Variants in KIAA0825 observed in about 807,000 individuals in gnomAD.
KIAA0825 encodes uncharacterized protein KIAA0825.
KIAA0825 carries 119 observed loss-of-function variants against 147.6 expected under a neutral mutation model. That is an observed-to-expected ratio of 0.81 (90% confidence interval 0.69 to 0.94). The LOEUF is 0.94. Among genes scored for constraint, KIAA0825 ranks in the 40% least tolerant of loss-of-function variants. The pLI is 0.00. For synonymous variants in KIAA0825, 470 were observed against 518.1 expected, an observed-to-expected ratio of 0.91 and a Z score of 1.26; for missense variants, 1,381 against 1,472.7, an observed-to-expected ratio of 0.94 and a Z score of 1.02.
chr5:94,593,069 T>C, intron 1 of KIAA0825: 1 of 704,076 alleles, frequency 1.4e-6, no homozygotes. Context: ...TTTCTTACTC[T>C]TCATAATTTA....
At chr5:94,264,786 C>CTT (rs1195057688) in intron 20 of KIAA0825, among the ~76,000 whole-genome samples, 5 of 140,554 alleles carry the variant, frequency 3.6e-5, no homozygotes, top group Non-Finnish European at 6.2e-5. Flanking sequence ...CATACACATA[C>CTT]TTTTTTTTTT....
At chr5:94,428,032 C>CATTTGTTTT (rs1204321541) in intron 14 of KIAA0825, among the ~76,000 whole-genome samples, 1 of 152,060 alleles carries the variant, frequency 6.6e-6, no homozygotes, top group Non-Finnish European at 1.5e-5. Flanking sequence ...TCCCTTCTCT[C>CATTTGTTTT]ATTTGTTTTC....
chr5:94,171,663 G>A (rs1768625349), intron 20 of KIAA0825, among the ~76,000 whole-genome samples: 1 of 151,758 alleles, frequency 6.6e-6, no homozygotes, highest in Non-Finnish European at 1.5e-5. Context: ...AAACTTTCTT[G>A]ACCCATGCAT....
In KIAA0825 at chr5:94,508,020, C is replaced by T. The variant is rs79837208; in HGVS notation, c.970+12228G>A. On this transcript the variant is annotated intron_variant, in intron 5 of 20. Transcript: ENST00000682413. ...TCATCTAGTCAGTCTGTCTTGAAGA[C>T]GGTGAACTTAAAAGTAGTGTTATTT... is the stretch of plus-strand genomic sequence containing the variant. Among the ~76,000 whole-genome samples, 303 of 152,170 alleles carry T rather than the reference C, an allele frequency of 2.0e-3. 1 individual carries two copies. Among genetic ancestry groups the T allele is most frequent in the African/African-American group, 7.1e-3 (294 of 41,508 alleles).
chr5:94,429,562 C>G (rs1755379769), intron 14 of KIAA0825, among the ~76,000 whole-genome samples: 1 of 152,154 alleles, frequency 6.6e-6, no homozygotes, highest in Admixed American at 6.5e-5. Flanking sequence ...GTCAATGTGG[C>G]TGGGTATATA....
At chr5:94,545,305 A>T (rs1005345451) in intron 2 of KIAA0825, among the ~76,000 whole-genome samples, 8 of 152,070 alleles carry the variant, frequency 5.3e-5, no homozygotes, top group African/African-American at 1.9e-4. Context: ...ATTCCTAAGC[A>T]CACCCTTGTG....
chr5:94,565,763 A>G (rs1422320060), intron 2 of KIAA0825, among the ~76,000 whole-genome samples: 1 of 152,232 alleles, frequency 6.6e-6, no homozygotes, highest in Non-Finnish European at 1.5e-5. Flanking sequence ...TTTTTAATTG[A>G]TAAATTATAA....
chr5:94,206,227 A>T (rs567037144), intron 20 of KIAA0825, among the ~76,000 whole-genome samples: 1 of 152,138 alleles, frequency 6.6e-6, no homozygotes, highest in Admixed American at 6.5e-5. Flanking sequence ...TATGATTTCC[A>T]GTTTCTCCTT....
intron 2 of KIAA0825, among the ~76,000 whole-genome samples, chr5:94,554,051 A>G (rs1561306451): frequency 6.6e-6 from 1 of 152,240 alleles, no homozygotes; most frequent in Non-Finnish European, 1.5e-5. Flanking sequence ...TCTACAGCTT[A>G]GCAAGAAATA....
intron 2 of KIAA0825, among the ~76,000 whole-genome samples, chr5:94,574,212 T>C (rs1305094783): frequency 6.6e-6 from 1 of 151,860 alleles, no homozygotes; most frequent in Non-Finnish European, 1.5e-5. Flanking sequence ...TATACATAGG[T>C]TCAAGCCCTC....
At chr5:94,316,132 G>A (rs914834225) in intron 20 of KIAA0825, among the ~76,000 whole-genome samples, 7 of 151,616 alleles carry the variant, frequency 4.6e-5, no homozygotes, top group Admixed American at 6.6e-5. Flanking sequence ...ACGCCATCTC[G>A]TGTTATATAT....
At chr5:94,477,338 A>G in intron 6 of KIAA0825, 133 bp from the exon 7 acceptor site, 2 of 522,838 alleles carry the variant, frequency 3.8e-6, no homozygotes, top group Non-Finnish European at 3.4e-6. Context: ...ACATATACAC[A>G]TCCACAAATA....
chr5:94,369,365 T>C (rs1055673538), intron 20 of KIAA0825, among the ~76,000 whole-genome samples: 1 of 152,168 alleles, frequency 6.6e-6, no homozygotes, highest in South Asian at 2.1e-4. Context: ...AAAAATAGAA[T>C]GTGAATGCAT....
intron 2 of KIAA0825, among the ~76,000 whole-genome samples, chr5:94,558,238 T>C (rs1191580291): frequency 1.3e-5 from 2 of 152,036 alleles, no homozygotes; most frequent in Admixed American, 1.3e-4. Flanking sequence ...CTGCCACCAT[T>C]TTGGAAACAG....
At chr5:94,426,001 C>G (rs1311242793) in intron 14 of KIAA0825, among the ~76,000 whole-genome samples, 4 of 150,120 alleles carry the variant, frequency 2.7e-5, no homozygotes, top group African/African-American at 9.8e-5. Flanking sequence ...GCTCATGCCA[C>G]TATGCCTGGA....
At chr5:94,559,617 C>A (rs78871998) in intron 2 of KIAA0825, among the ~76,000 whole-genome samples, 2 of 152,172 alleles carry the variant, frequency 1.3e-5, no homozygotes, top group East Asian at 3.9e-4. Context: ...TCTTGGATGG[C>A]TACTCCCAGT....
chr5:94,544,274 C>A (rs146721663), intron 2 of KIAA0825, among the ~76,000 whole-genome samples: 18 of 152,316 alleles, frequency 1.2e-4, no homozygotes, highest in African/African-American at 4.3e-4. Flanking sequence ...GCTGTATGTG[C>A]TAACCACCTA....
intron 2 of KIAA0825, among the ~76,000 whole-genome samples, chr5:94,541,187 A>G (rs1773226437): frequency 6.6e-6 from 1 of 152,240 alleles, no homozygotes; most frequent in African/African-American, 2.4e-5. Flanking sequence ...ACAGCTAGGT[A>G]AGGCCTGGGA....
intron 19 of KIAA0825, among the ~76,000 whole-genome samples, chr5:94,385,792 C>A (rs1384077926): frequency 6.6e-6 from 1 of 152,146 alleles, no homozygotes; most frequent in East Asian, 1.9e-4. Context: ...AGCAAACTTA[C>A]CCCATACCAC....
Sources: allele counts gnomAD v4.1 joint callset (sites outside exome capture counted in the v4.1 genomes callset), GRCh38; gene constraint gnomAD v4.1.1; transcripts MANE v1.5; gene names NCBI Gene and HGNC (gene_info 2026-07-23, HGNC 2026-07-21).